PALM2AKAP2: variants seen among roughly 807,000 people sequenced by gnomAD.
PALM2AKAP2 encodes PALM2 and AKAP2 fusion, also known as PALM2-AKAP2 fusion protein.
A neutral mutation model predicts 71.5 loss-of-function variants in PALM2AKAP2; 37 were observed. That is an observed-to-expected ratio of 0.52 (90% CI 0.40 to 0.68). The LOEUF (loss-of-function observed/expected upper bound fraction) is 0.68. Ranked by LOEUF, PALM2AKAP2 falls within the 30% of genes least tolerant of loss-of-function variation. The pLI, the probability that PALM2AKAP2 is intolerant of heterozygous loss-of-function variation, is 0.00. For synonymous variants in PALM2AKAP2, 468 were observed against 478.8 expected, an observed-to-expected ratio of 0.98 and a Z score of 0.29; for missense variants, 1,224 against 1,191.8, an observed-to-expected ratio of 1.03 and a Z score of -0.40.
At chr9:109,753,999 T>G (rs1230023856) in intron 1 of PALM2AKAP2, among the ~76,000 whole-genome samples, 1 of 152,212 alleles carries the variant, frequency 6.6e-6, no homozygotes, top group Non-Finnish European at 1.5e-5. Flanking sequence ...CCTTTCCATC[T>G]TTTAAATAAA....
chr9:109,921,725 G>A (rs1241865132), intron 3 of PALM2AKAP2, among the ~76,000 whole-genome samples: 2 of 152,174 alleles, frequency 1.3e-5, no homozygotes, highest in Non-Finnish European at 2.9e-5. Flanking sequence ...AATAAGAGTG[G>A]CTCTATTTGA....
chr9:109,973,317 G>A (rs1056214125), intron 6 of PALM2AKAP2, among the ~76,000 whole-genome samples: 3 of 152,156 alleles, frequency 2.0e-5, no homozygotes, highest in African/African-American at 7.2e-5. Context: ...TCTACATTAT[G>A]CTGTTGCAAC....
intron 6 of PALM2AKAP2, among the ~76,000 whole-genome samples, chr9:109,952,274 C>T (rs1466306008): frequency 6.6e-6 from 1 of 152,142 alleles, no homozygotes; most frequent in African/African-American, 2.4e-5. Flanking sequence ...CAAACAGGGC[C>T]TGGTCCATAG....
In PALM2AKAP2 at chr9:109,640,845, G is replaced by C. The variant is rs550830471; in HGVS notation, c.-17G>C. On this transcript the variant is annotated 5_prime_UTR_variant, in exon 1 of 7. Transcript: ENST00000374531. ...CGGTGAGCCCCGCAGCAGCGCACCC[G>C]GCCGCGGAGCCCCGCGATGGAGTGA... 127 of 1,517,086 alleles carry C rather than the reference G, an allele frequency of 8.4e-5. 1 individual carries two copies. In the African/African-American group the frequency reaches 1.7e-3, roughly 20 times the overall value. The allele number at this position is 1,517,086 out of a possible 1,614,324, so 94.0% of individuals were successfully genotyped here.
At chr9:109,714,651 G>A (rs1371300143) in intron 1 of PALM2AKAP2, among the ~76,000 whole-genome samples, 1 of 152,150 alleles carries the variant, frequency 6.6e-6, no homozygotes, top group South Asian at 2.1e-4. Flanking sequence ...AATTAACACC[G>A]ATAATTATGA....
intron 3 of PALM2AKAP2, among the ~76,000 whole-genome samples, chr9:109,900,354 G>A (rs4978408): frequency 0.058 from 8,847 of 152,294 alleles, 372 homozygotes; most frequent in Admixed American, 0.12. Flanking sequence ...TGAGTGTCAT[G>A]CATCGCAATG....
At chr9:110,153,417 A>G (rs1434679696) in intron 2 of PALM2AKAP2, among the ~76,000 whole-genome samples, 1 of 152,186 alleles carries the variant, frequency 6.6e-6, no homozygotes, top group African/African-American at 2.4e-5. Context: ...AATGACATGA[A>G]GCCTACAAAA....
At chr9:109,823,373 C>T (rs190057414) in intron 1 of PALM2AKAP2, among the ~76,000 whole-genome samples, 3 of 152,174 alleles carry the variant, frequency 2.0e-5, no homozygotes, top group African/African-American at 4.8e-5. Context: ...TGGACCTGAG[C>T]CAGAATACTG....
chr9:109,678,027 C>T (rs1214838299), intron 1 of PALM2AKAP2, among the ~76,000 whole-genome samples: 1 of 152,094 alleles, frequency 6.6e-6, no homozygotes, highest in Non-Finnish European at 1.5e-5. Flanking sequence ...TTGTTAGTGG[C>T]CTGAGCAAGG....
intron 1 of PALM2AKAP2, among the ~76,000 whole-genome samples, chr9:109,791,962 C>G (rs1446767089): frequency 6.6e-6 from 1 of 152,160 alleles, no homozygotes; most frequent in East Asian, 1.9e-4. Context: ...GACCCTCCCC[C>G]TCTACCCCCA....
At chr9:109,960,500 A>G (rs1401091586) in intron 6 of PALM2AKAP2, among the ~76,000 whole-genome samples, 1 of 152,232 alleles carries the variant, frequency 6.6e-6, no homozygotes, top group Non-Finnish European at 1.5e-5. Context: ...GCATAAGTTG[A>G]GCACGGTGGT....
At chr9:109,748,171 T>A (rs1292299755) in intron 1 of PALM2AKAP2, among the ~76,000 whole-genome samples, 2 of 152,148 alleles carry the variant, frequency 1.3e-5, no homozygotes, top group Non-Finnish European at 1.5e-5. Context: ...TGTGTTTTCT[T>A]TTTTTTCTTT....
chr9:110,144,314 GC>G (rs1347616569), intron 2 of PALM2AKAP2, among the ~76,000 whole-genome samples: 3 of 152,234 alleles, frequency 2.0e-5, no homozygotes, highest in Admixed American at 1.3e-4. Flanking sequence ...TGTGAAGCTA[GC>G]TAAAGCTTAT....
intron 6 of PALM2AKAP2, among the ~76,000 whole-genome samples, chr9:109,987,879 C>T (rs1349242461): frequency 6.6e-6 from 1 of 152,242 alleles, no homozygotes; most frequent in Non-Finnish European, 1.5e-5. Context: ...AAGGAAGTTT[C>T]TTCATCTGTG....
At chr9:109,866,262 G>A (rs1389090795) in intron 1 of PALM2AKAP2, among the ~76,000 whole-genome samples, 1 of 152,178 alleles carries the variant, frequency 6.6e-6, no homozygotes, top group African/African-American at 2.4e-5. Context: ...GAGCACAGCA[G>A]CCAGGCTTCC....
intron 5 of PALM2AKAP2, among the ~76,000 whole-genome samples, chr9:109,926,152 C>T (rs1404358464): frequency 1.3e-5 from 2 of 152,118 alleles, no homozygotes; most frequent in East Asian, 1.9e-4. Context: ...GTTTTCCCAG[C>T]GTCATTTGGA....
rs531775295 is a variant in PALM2AKAP2 at position 110,065,802 on chromosome 9, C to T, written c.156+16947C>T. 7.2e-5 allele frequency among the ~76,000 whole-genome samples: 11 copies of T among 152,316 alleles called. No individual in the cohort carries two copies. In the East Asian group the frequency reaches 1.9e-3, roughly 27 times the overall value. On this transcript the variant is annotated intron_variant, in intron 1 of 3. Transcript: ENST00000374525. Reference sequence around the variant, plus strand: ...TAGTAACCTCATATAAGTGAAATCACGTATTTGTCTTTCTGTGACTGGCTT... The same window carrying T: ...TAGTAACCTCATATAAGTGAAATCATGTATTTGTCTTTCTGTGACTGGCTT...
intron 1 of PALM2AKAP2, among the ~76,000 whole-genome samples, chr9:110,108,613 C>T (rs924105218): frequency 1.3e-5 from 2 of 152,054 alleles, no homozygotes; most frequent in Admixed American, 6.5e-5. Flanking sequence ...CCTAATTAGC[C>T]TCATAGAATG....
At chr9:109,701,797 G>A (rs979291891) in intron 1 of PALM2AKAP2, among the ~76,000 whole-genome samples, 13 of 152,282 alleles carry the variant, frequency 8.5e-5, no homozygotes, top group Non-Finnish European at 1.3e-4. Flanking sequence ...TACCATCAGA[G>A]TGAACAGTCA....
Sources: allele counts gnomAD v4.1 joint callset (sites outside exome capture counted in the v4.1 genomes callset), GRCh38; gene constraint gnomAD v4.1.1; transcripts MANE v1.5; gene names NCBI Gene and HGNC (gene_info 2026-07-23, HGNC 2026-07-21).